The following ABCA7 variants were observed in gnomAD, a reference collection of about 807,000 sequenced individuals.
ABCA7 encodes the protein phospholipid-transporting ATPase ABCA7.
A neutral mutation model predicts 227.6 loss-of-function variants in ABCA7; 261 were observed. That is an observed-to-expected ratio of 1.15 (90% CI 1.04 to 1.27). ABCA7 has a LOEUF of 1.27. ABCA7 is among the 50% of genes most tolerant of loss of function. The probability of loss-of-function intolerance (pLI) is 0.00; values close to 1 mark genes in which losing one functional copy is unlikely to be tolerated. For missense variants in ABCA7, 3,331 were observed against 2,924.5 expected (o/e 1.14, Z -3.21); for synonymous variants, 1,488 against 1,279.7 (o/e 1.16, Z -3.47).
rs749726755 is a variant in ABCA7 at position 1,047,253 on chromosome 19, G to A, written c.1942G>A (p.Ala648Thr). 1.4e-5 allele frequency: 22 copies of A among 1,607,568 alleles called. No homozygotes were observed. The South Asian group carries it at 2.1e-4, about 15-fold the overall frequency. ...GGTGACCCAGAGCTTCCTGCTCAGC[G>A]CCTTCTTCTCCCGCGCCAACCTGGC... is the stretch of plus-strand genomic sequence containing the variant. ...ATVTQSFLLS[A>T]FFSRANLAAA... Residue 648 changes from alanine (A) to threonine (T), a missense_variant, in exon 15 of 47, where the codon GCC becomes ACC. Coordinates refer to ENST00000263094, the MANE Select transcript of ABCA7 (RefSeq NM_019112.4).
At chr19:1,049,171 C>G in intron 17 of ABCA7, 95 bp from the exon 18 acceptor site, 1 of 1,423,320 alleles carries the variant, frequency 7.0e-7, no homozygotes, top group Non-Finnish European at 9.5e-7. Flanking sequence ...AGGCCCCGGC[C>G]CAGCAGGTCC....
rs1325693572 is a variant in ABCA7, at chr19:1,046,293, C to T, written c.1509C>T (p.Phe503=). The change falls in exon 13 of 47, where the codon TTC becomes TTT. Residue 503 remains phenylalanine (F), a synonymous_variant. Coordinates refer to ENST00000263094, the MANE Select transcript of ABCA7 (RefSeq NM_019112.4). The part of the protein sequence containing the change: ...LTDLRYVWGG[F]VYLQDLVERA... ...ACCTGCGCTACGTGTGGGGCGGCTT[C>T]GTGTACCTGCAAGACCTGGTGGAGC... The T allele has an allele frequency of 1.9e-6, 3 of 1,606,026 alleles. No individual in the cohort carries two copies. Among genetic ancestry groups the T allele is most frequent in the Non-Finnish European group, 1.7e-6 (2 of 1,179,756 alleles).
In ABCA7 at chr19:1,054,856, C is replaced by G; in HGVS notation, c.3928C>G (p.Pro1310Ala). Residue 1310 changes from proline (P) to alanine (A), a missense_variant, in exon 29 of 47, where the codon CCA (proline) becomes GCA (alanine). Coordinates refer to ENST00000263094, the MANE Select transcript of ABCA7 (RefSeq NM_019112.4). The surrounding 1 kb of genome is among the most constrained non-coding windows in gnomAD (Gnocchi z 4.8). Reference sequence around the variant, plus strand: ...GCAGGAGGCAGGACTGGAGGAGCCCCCAGTGCAGCATAGCTCCCACAGGTG... The same window carrying G: ...GCAGGAGGCAGGACTGGAGGAGCCCGCAGTGCAGCATAGCTCCCACAGGTG... ...LLQEAGLEEP[P>A]VQHSSHRFSA... 2 of 1,562,670 alleles carry G rather than the reference C, an allele frequency of 1.3e-6. No homozygotes were observed. The highest frequency in any genetic ancestry group is 1.7e-6 in the Non-Finnish European group (2 of 1,154,352).
intron 45 of ABCA7, chr19:1,064,564 TTA>T: frequency 2.1e-6 from 1 of 474,344 alleles, no homozygotes; most frequent in South Asian, 3.2e-5. Context: ...GAGGGCCTGG[TTA>T]GTGGGCGGGG....
At chr19:1,047,063 C>G in intron 14 of ABCA7, 39 bp downstream of exon 14, 1 of 1,550,966 alleles carries the variant, frequency 6.4e-7, no homozygotes, top group Admixed American at 2.0e-5. Context: ...AGAATGGGTG[C>G]GCTGGAGGGT....
rs372373771 is a variant in ABCA7 at position 1,058,884 on chromosome 19, C to T, written c.5344C>T (p.Arg1782Trp). ...EDEDVARERE[R>W]VVQGATQGDV... ...CGAGGATGTAGCCCGTGAACGGGAG[C>T]GGGTGGTCCAAGGAGCCACCCAGGG... The change falls in exon 39 of 47, where the codon CGG (arginine) becomes TGG (tryptophan). Residue 1782 changes from arginine (R) to tryptophan (W), a missense_variant. Arg to Trp is a moderately radical substitution (Grantham distance 101). Transcript: ENST00000263094. The T allele has an allele frequency of 2.5e-5, 39 of 1,581,500 alleles. No individual in the cohort carries two copies. Among genetic ancestry groups the T allele is most frequent in the Middle Eastern group, 1.7e-4 (1 of 5,914 alleles).
Position 1,054,190 on chromosome 19 carries a change from C to T in ABCA7, c.3578-3C>T. Reference sequence around the variant, plus strand: ...TGAGCACTGACCCTCTCATCCCTCACAGCTGGGTCAGCCCCAGAGACTGAC... The same window carrying T: ...TGAGCACTGACCCTCTCATCCCTCATAGCTGGGTCAGCCCCAGAGACTGAC... On this transcript the variant is annotated splice_region_variant and splice_polypyrimidine_tract_variant and intron_variant, in intron 26 of 46. Coordinates refer to ENST00000263094, the MANE Select transcript of ABCA7 (RefSeq NM_019112.4). The surrounding 1 kb of genome is among the most constrained non-coding windows in gnomAD (Gnocchi z 4.8). 2 of 1,609,898 alleles carry T rather than the reference C, an allele frequency of 1.2e-6. No individual in the cohort carries two copies. Among genetic ancestry groups the T allele is most frequent in the East Asian group, 2.2e-5 (1 of 44,792 alleles).
chr19:1,058,141 A>C lies in ABCA7; in HGVS notation c.5026-5A>C, dbSNP rs750395761. 66 of 1,613,772 alleles carry C rather than the reference A, an allele frequency of 4.1e-5. No homozygotes were observed. The highest frequency in any genetic ancestry group is 6.7e-5 in the African/African-American group (5 of 74,886). Reference sequence around the variant, plus strand: ...GACCAACATCCGTCTCCCACCCTTGAGCAGAAGCTGCAGGAGGTGAGCCGG... The same window carrying C: ...GACCAACATCCGTCTCCCACCCTTGCGCAGAAGCTGCAGGAGGTGAGCCGG... On this transcript the variant is annotated splice_region_variant and splice_polypyrimidine_tract_variant and intron_variant, in intron 36 of 46. Transcript: ENST00000263094.
At chr19:1,044,467 C>G in intron 10 of ABCA7, 110 bp from the exon 11 acceptor site, 1 of 1,330,544 alleles carries the variant, frequency 7.5e-7, no homozygotes, top group African/African-American at 1.5e-5. Context: ...AGGCTGGTCT[C>G]GAACTCCTGA....
chr19:1,046,714 CG>C (rs1410659203), intron 13 of ABCA7, 87 bp from the exon 14 acceptor site: 96 of 1,361,490 alleles, frequency 7.1e-5, no homozygotes, highest in African/African-American at 4.3e-4. Flanking sequence ...CTTGAGATCC[CG>C]GGACACGAAC....
chr19:1,047,771 A>G, intron 16 of ABCA7, 117 bp downstream of exon 16: 1 of 1,198,642 alleles, frequency 8.3e-7, no homozygotes, highest in Non-Finnish European at 1.1e-6. Flanking sequence ...CCTTGGAGAG[A>G]AGGCGGGGCT....
chr19:1,054,659 T>C lies in ABCA7; in HGVS notation c.3816T>C (p.Ser1272=), dbSNP rs548682210. 6.2e-7 allele frequency: 1 copy of C among 1,613,352 alleles called. No homozygotes were observed. ...GGCACTACCCGGCTCTGCGGCTCAG[T>C]CCCACCATGTACGGTGCTCAGGTGT... ...PFGHYPALRL[S]PTMYGAQVSF... Residue 1272 remains serine, a synonymous_variant, in exon 28 of 47, where the codon AGT becomes AGC. Transcript: ENST00000263094. The surrounding 1 kb of genome is among the most constrained non-coding windows in gnomAD (Gnocchi z 4.8).
In ABCA7 at chr19:1,048,497, A is replaced by AAAAAAAAG. The variant is rs1323062760; in HGVS notation, c.2270-391_2270-390insGAAAAAAA. ...GGCAACAAGAGTGAAACTCAGTCTC[A>AAAAAAAAG]AAAAAAAAAAAACAAAAAAAAAAAA... On this transcript the variant is annotated intron_variant, in intron 16 of 46. Transcript: ENST00000263094. Among the ~76,000 whole-genome samples, 17 of 46,696 alleles carry AAAAAAAAG rather than the reference A, an allele frequency of 3.6e-4. 1 individual carries two copies. The highest frequency in any genetic ancestry group is 1.5e-3 in the African/African-American group (16 of 10,944). The allele number at this position is 46,696 out of a possible 152,430, so 30.6% of individuals were successfully genotyped here. A position where few individuals can be genotyped will look rare whatever the true frequency, so the allele number is the denominator to read the frequency against.
chr19:1,045,272 G>A, intron 12 of ABCA7, 41 bp downstream of exon 12: 1 of 1,539,100 alleles, frequency 6.5e-7, no homozygotes, highest in Non-Finnish European at 8.8e-7. Context: ...GGACTGGGCG[G>A]GGCCAAGAGC....
At chr19:1,064,082 G>A in intron 44 of ABCA7, 79 bp from the exon 45 acceptor site, 1 of 1,448,946 alleles carries the variant, frequency 6.9e-7, no homozygotes, top group Non-Finnish European at 9.2e-7. Flanking sequence ...GGGTGGCCCA[G>A]GCCGGGGGAA....
chr19:1,054,900 G>C lies in ABCA7; in HGVS notation c.3950+22G>C, dbSNP rs1439695887. ...ACAGGTGAGGCGTCTTGTTGGCCTGGACCTTTCCCCTCTCTGGCCTCAGTT... is the reference window on the plus strand; with the variant it reads ...ACAGGTGAGGCGTCTTGTTGGCCTGCACCTTTCCCCTCTCTGGCCTCAGTT... On this transcript the variant is annotated intron_variant, in intron 29 of 46. Transcript: ENST00000263094. This position sits in a 1 kb window ranked among gnomAD's most constrained non-coding sequence, Gnocchi z 4.8. 6.4e-7 allele frequency: 1 copy of C among 1,550,604 alleles called. No homozygotes were observed. The highest frequency in any genetic ancestry group is 8.7e-7 in the Non-Finnish European group (1 of 1,145,028).
At chr19:1,044,845 T>C (rs2040452499) in intron 11 of ABCA7, 101 bp downstream of exon 11, 1 of 1,473,272 alleles carries the variant, frequency 6.8e-7, no homozygotes, top group Admixed American at 2.1e-5. Context: ...GGCCCGGCCC[T>C]AGTAAGAGCC....
At chr19:1,046,751 G>C (rs1471976906) in intron 13 of ABCA7, 51 bp from the exon 14 acceptor site, 9 of 1,502,222 alleles carry the variant, frequency 6.0e-6, no homozygotes, top group South Asian at 1.2e-5. Context: ...GTGGGCGGAG[G>C]GGGGGTCTGC....
chr19:1,056,571 G>A lies in ABCA7; in HGVS notation c.4586+72G>A. On this transcript the variant is annotated intron_variant, in intron 33 of 46. Transcript: ENST00000263094. The surrounding 1 kb of genome is among the most constrained non-coding windows in gnomAD (Gnocchi z 4.3). ...CCTCCATTTCTCTGTCGTTTGGGGT[G>A]GTGGGAGCTGGATTTGAACCCTGAC... is the stretch of plus-strand genomic sequence containing the variant. The A allele has an allele frequency of 6.7e-7, 1 of 1,499,818 alleles. No individual in the cohort carries two copies. The highest frequency in any genetic ancestry group is 1.4e-5 in the African/African-American group (1 of 72,158). 92.9% of individuals were successfully genotyped at this position (1,499,818 alleles called of 1,614,324 possible). A position where few individuals can be genotyped will look rare whatever the true frequency, so the allele number is the denominator to read the frequency against.
Sources: allele counts gnomAD v4.1 joint callset (sites outside exome capture counted in the v4.1 genomes callset), GRCh38; gene constraint gnomAD v4.1.1; non-coding constraint Gnocchi (gnomAD v3.1); transcripts MANE v1.5; gene names NCBI Gene and HGNC (gene_info 2026-07-23, HGNC 2026-07-21).